Variants in SLC12A7 observed in about 807,000 individuals in gnomAD.
SLC12A7 encodes K-Cl cotransporter 4.
In SLC12A7, 100 loss-of-function variants were observed where a neutral mutation model predicts 120.6. The ratio of observed to expected loss-of-function variants is 0.83; its 90% CI spans 0.71 to 0.98. The LOEUF (loss-of-function observed/expected upper bound fraction) is 0.98, where lower values mean the gene tolerates loss of function less well. SLC12A7 is among the 50% of genes least tolerant of loss of function. The pLI is 0.00. For synonymous variants in SLC12A7, 760 were observed against 678.0 expected, an observed-to-expected ratio of 1.12 and a Z score of -1.88; for missense variants, 1,373 against 1,548.1, an observed-to-expected ratio of 0.89 and a Z score of 1.90.
Position 1,052,075 on chromosome 5 carries a change from C to T in SLC12A7, c.*285G>A, listed in dbSNP as rs1444749710. On this transcript the variant is annotated 3_prime_UTR_variant, in exon 24 of 24. Transcript: ENST00000264930. ...CAAGGGCTCACTGGCTTCTTGTGACCTGCGAGAAGATCTGGCCACGTCCAG... is the reference window on the plus strand; with the variant it reads ...CAAGGGCTCACTGGCTTCTTGTGACTTGCGAGAAGATCTGGCCACGTCCAG... 2.1e-6 allele frequency: 1 copy of T among 472,322 alleles called. No individual in the cohort carries two copies. The highest frequency in any genetic ancestry group is 3.7e-6 in the Non-Finnish European group (1 of 267,018). 29.3% of individuals were successfully genotyped at this position (472,322 alleles called of 1,614,324 possible).
Position 1,085,442 on chromosome 5 carries a change from TG to T in SLC12A7, c.706del (p.Gln236ArgfsTer196). The T allele has an allele frequency of 6.2e-7, 1 of 1,609,384 alleles. No homozygotes were observed. The highest frequency in any genetic ancestry group is 8.5e-7 in the Non-Finnish European group (1 of 1,178,488). On this transcript the variant is annotated frameshift_variant, in exon 7 of 24. Coordinates refer to ENST00000264930, the MANE Select transcript of SLC12A7 (RefSeq NM_006598.3). LOFTEE classifies it high-confidence loss of function. ...CGCCTCGCCACCTGCAGCCTCCGCCTGGAAGATGGCCGCACCCGGGGAGATG... is the reference window on the plus strand; with the variant it reads ...CGCCTCGCCACCTGCAGCCTCCGCCTGAAGATGGCCGCACCCGGGGAGATG... ...TYISPGAAIF[Q>X]AEAAGGEAAA... is the part of the protein sequence containing the mutation.
At position 1,076,728 on chromosome 5, in the gene SLC12A7, C is replaced by T; in HGVS notation, c.1714G>A (p.Ala572Thr). The T allele has an allele frequency of 1.2e-6, 2 of 1,611,468 alleles. No individual in the cohort carries two copies. Among genetic ancestry groups the T allele is most frequent in the Non-Finnish European group, 1.7e-6 (2 of 1,179,930 alleles). ...VLICETGILI[A>T]SLDSVAPILS... ...ATCGGGGCCACGCTGTCCAGAGAGGCGATGAGGATGCCAGTCTCGCAGATG... is the reference window on the plus strand; with the variant it reads ...ATCGGGGCCACGCTGTCCAGAGAGGTGATGAGGATGCCAGTCTCGCAGATG... The change falls in exon 13 of 24, where the codon GCC becomes ACC. Residue 572 changes from alanine to threonine, a missense_variant. Coordinates refer to ENST00000264930, the MANE Select transcript of SLC12A7 (RefSeq NM_006598.3).
the SLC12A7 span, among the ~76,000 whole-genome samples, chr5:1,121,826 A>G: frequency 6.6e-6 from 1 of 152,128 alleles, no homozygotes; most frequent in Non-Finnish European, 1.5e-5. Context: ...TGTGCCCCAG[A>G]CTCAGGAGGG....
chr5:1,104,208 C>T (rs1742286979), intron 1 of SLC12A7, among the ~76,000 whole-genome samples: 2 of 152,224 alleles, frequency 1.3e-5, no homozygotes, highest in African/African-American at 2.4e-5. Context: ...AGGCCCGACC[C>T]GCTGGCGCCA....
At chr5:1,109,252 C>A (rs1023734512) in intron 1 of SLC12A7, among the ~76,000 whole-genome samples, 3 of 152,154 alleles carry the variant, frequency 2.0e-5, no homozygotes, top group African/African-American at 7.2e-5. Context: ...CGCACCCCTA[C>A]AACCTGGGAA....
chr5:1,142,742 G>A, the SLC12A7 span, among the ~76,000 whole-genome samples: 1 of 148,700 alleles, frequency 6.7e-6, no homozygotes, highest in East Asian at 2.1e-4. Context: ...GGCAGGAGGT[G>A]CTCACGGCCC....
chr5:1,105,487 G>A (rs755142174), intron 1 of SLC12A7, among the ~76,000 whole-genome samples: 6 of 152,238 alleles, frequency 3.9e-5, no homozygotes, highest in Non-Finnish European at 7.3e-5. Flanking sequence ...CGGCACTCCC[G>A]GCCAGAGGCT....
At chr5:1,129,851 A>T in the SLC12A7 span, among the ~76,000 whole-genome samples, 1 of 152,158 alleles carries the variant, frequency 6.6e-6, no homozygotes, top group Non-Finnish European at 1.5e-5. Flanking sequence ...TCAAGAGGAA[A>T]AGAACGCCCT....
At chr5:1,059,422 T>A (rs1364234666) in intron 21 of SLC12A7, among the ~76,000 whole-genome samples, 1 of 152,174 alleles carries the variant, frequency 6.6e-6, no homozygotes, top group Non-Finnish European at 1.5e-5. Context: ...TGCCCCTGCC[T>A]CCGCCGTCAC....
chr5:1,096,868 G>GGAA (rs1741301634), intron 1 of SLC12A7, among the ~76,000 whole-genome samples: 1 of 115,608 alleles, frequency 8.6e-6, no homozygotes, highest in African/African-American at 3.3e-5. Flanking sequence ...GAGGGATGAA[G>GGAA]GGAGGGAGGG....
At chr5:1,118,890 G>A in the SLC12A7 span, among the ~76,000 whole-genome samples, 1 of 152,236 alleles carries the variant, frequency 6.6e-6, no homozygotes, top group Non-Finnish European at 1.5e-5. Context: ...TGGGCCGGCT[G>A]GCGGGAGAGG....
chr5:1,096,852 G>GAAA (rs1741290932), intron 1 of SLC12A7, among the ~76,000 whole-genome samples: 1 of 108,168 alleles, frequency 9.2e-6, no homozygotes, highest in Non-Finnish European at 2.0e-5. Flanking sequence ...GAGGGAAGGA[G>GAAA]GGAGGGAGGG....
At chr5:1,079,916 G>A (rs540993638) in intron 9 of SLC12A7, among the ~76,000 whole-genome samples, 4 of 152,356 alleles carry the variant, frequency 2.6e-5, no homozygotes, top group South Asian at 2.1e-4. Flanking sequence ...GCCAGCAGAC[G>A]CTGCGACCCC....
chr5:1,092,889 G>A (rs1421309021), intron 3 of SLC12A7, among the ~76,000 whole-genome samples: 1 of 152,164 alleles, frequency 6.6e-6, no homozygotes, highest in Admixed American at 6.5e-5. Context: ...TTTCTCGCCT[G>A]TGAGCGTCAC....
upstream of SLC12A7, among the ~76,000 whole-genome samples, chr5:1,113,320 G>C (rs1743177732): frequency 6.6e-6 from 1 of 152,344 alleles, no homozygotes. Context: ...AATCCTAAAA[G>C]GCAGCTGGAG....
chr5:1,142,505 T>C, the SLC12A7 span, among the ~76,000 whole-genome samples: 3 of 34,654 alleles, frequency 8.7e-5, no homozygotes, highest in Admixed American at 3.7e-4. Flanking sequence ...CCCACTCCCC[T>C]CTCTCCCCTC....
At chr5:1,102,524 A>G (rs970778317) in intron 1 of SLC12A7, among the ~76,000 whole-genome samples, 7 of 152,194 alleles carry the variant, frequency 4.6e-5, no homozygotes, top group Non-Finnish European at 8.8e-5. Flanking sequence ...GACAGGCAGG[A>G]GGGGCTGTGA....
chr5:1,097,756 G>A (rs1741413542), intron 1 of SLC12A7, among the ~76,000 whole-genome samples: 1 of 152,162 alleles, frequency 6.6e-6, no homozygotes, highest in Non-Finnish European at 1.5e-5. Flanking sequence ...CTGAACATGT[G>A]AGCGTGTGTT....
the SLC12A7 span, among the ~76,000 whole-genome samples, chr5:1,138,919 G>T: frequency 6.6e-6 from 1 of 152,226 alleles, no homozygotes; most frequent in Non-Finnish European, 1.5e-5. Context: ...CCTAACATGT[G>T]CCCTGAGGTG....
Sources: allele counts gnomAD v4.1 joint callset (sites outside exome capture counted in the v4.1 genomes callset), GRCh38; gene constraint gnomAD v4.1.1; transcripts MANE v1.5; gene names NCBI Gene and HGNC (gene_info 2026-07-23, HGNC 2026-07-21).